LRBA: variants seen among roughly 807,000 people sequenced by gnomAD.
LRBA encodes LPS responsive beige-like anchor protein, also known as lipopolysaccharide-responsive and beige-like anchor protein.
In LRBA, 176 loss-of-function variants were observed where a neutral mutation model predicts 330.0. The ratio of observed to expected loss-of-function variants is 0.53; its 90% CI spans 0.47 to 0.60. The LOEUF (loss-of-function observed/expected upper bound fraction) is 0.60. LRBA is among the 20% of genes least tolerant of loss of function. The pLI is 0.00. For missense variants in LRBA, 3,259 were observed against 3,444.8 expected (o/e 0.95, Z 1.35); for synonymous variants, 1,230 against 1,193.0 (o/e 1.03, Z -0.64).
At chr4:150,898,645 C>CAA (rs779677822) in intron 14 of LRBA, among the ~76,000 whole-genome samples, 1 of 37,594 alleles carries the variant, frequency 2.7e-5, no homozygotes, top group Non-Finnish European at 1.4e-4. Flanking sequence ...GATTCCTAGA[C>CAA]AAAAAAAAAT....
intron 17 of LRBA, among the ~76,000 whole-genome samples, chr4:150,877,225 T>G (rs1579072177): frequency 7.0e-6 from 1 of 142,110 alleles, no homozygotes; most frequent in Non-Finnish European, 1.5e-5. Flanking sequence ...GCCACTGCAC[T>G]CCAGCCTGAA....
intron 37 of LRBA, among the ~76,000 whole-genome samples, chr4:150,642,851 G>A (rs1002035772): frequency 1.3e-5 from 2 of 151,694 alleles, no homozygotes; most frequent in African/African-American, 4.8e-5. Flanking sequence ...CACACATAAG[G>A]AGGCAAAAGA....
intron 2 of LRBA, among the ~76,000 whole-genome samples, chr4:150,934,083 C>A (rs188922058): frequency 1.3e-5 from 2 of 151,590 alleles, no homozygotes; most frequent in African/African-American, 4.8e-5. Flanking sequence ...CTTATGAAAT[C>A]ATCATAAATA....
intron 37 of LRBA, among the ~76,000 whole-genome samples, chr4:150,652,087 C>T (rs545706594): frequency 3.3e-5 from 5 of 152,276 alleles, no homozygotes; most frequent in African/African-American, 1.2e-4. Flanking sequence ...CCAGCTGACT[C>T]GGCCTCCCAA....
At chr4:150,396,058 A>C (rs115294484) in intron 47 of LRBA, among the ~76,000 whole-genome samples, 238 of 152,234 alleles carry the variant, frequency 1.6e-3, no homozygotes, top group African/African-American at 5.3e-3. Context: ...AATGTCTGTG[A>C]GGGTGTTTCC....
chr4:150,810,655 G>A (rs1743588347), intron 31 of LRBA, among the ~76,000 whole-genome samples: 1 of 152,162 alleles, frequency 6.6e-6, no homozygotes, highest in Non-Finnish European at 1.5e-5. Context: ...AGGCTGGAGT[G>A]CAGTGGTGTG....
intron 17 of LRBA, among the ~76,000 whole-genome samples, chr4:150,879,593 A>G (rs1167442028): frequency 1.3e-5 from 2 of 152,182 alleles, no homozygotes; most frequent in African/African-American, 4.8e-5. Flanking sequence ...CTTCATGACA[A>G]TATAATTCTA....
rs577554426 is a variant in LRBA at position 150,324,406 on chromosome 4, C to T, written c.7452+1403G>A. ...TTCTGCCCACTAAAGTCACTCTTCA[C>T]GTTCATCTAAATCTGATTTTACTGA... On this transcript the variant is annotated intron_variant, in intron 49 of 56. Coordinates refer to ENST00000651943, the MANE Select transcript of LRBA (RefSeq NM_001364905.1). Among the ~76,000 whole-genome samples, 6 of 152,270 alleles carry T rather than the reference C, an allele frequency of 3.9e-5. No homozygotes were observed. The East Asian group carries it at 5.8e-4, about 15-fold the overall frequency.
chr4:150,688,631 G>A (rs1033143112), intron 36 of LRBA, among the ~76,000 whole-genome samples: 14 of 152,144 alleles, frequency 9.2e-5, no homozygotes, highest in African/African-American at 3.4e-4. Context: ...CCATCAAAAA[G>A]TGGGTGAAGG....
intron 36 of LRBA, among the ~76,000 whole-genome samples, chr4:150,724,909 C>CA (rs1185897621): frequency 2.0e-5 from 3 of 148,490 alleles, no homozygotes; most frequent in Non-Finnish European, 4.5e-5. Context: ...TATATACACA[C>CA]ACACACACAC....
intron 40 of LRBA, among the ~76,000 whole-genome samples, chr4:150,530,266 G>A (rs1271895612): frequency 1.3e-5 from 2 of 151,304 alleles, no homozygotes; most frequent in Non-Finnish European, 3.0e-5. Context: ...GAAAAGTATA[G>A]AGAAAAAAAA....
intron 20 of LRBA, among the ~76,000 whole-genome samples, chr4:150,868,745 C>G (rs913986380): frequency 2.6e-5 from 4 of 152,020 alleles, no homozygotes; most frequent in Non-Finnish European, 5.9e-5. Context: ...CGAGAGCGGC[C>G]TGGCCAACAT....
intron 56 of LRBA, among the ~76,000 whole-genome samples, chr4:150,267,310 G>T (rs1745473212): frequency 6.6e-6 from 1 of 152,078 alleles, no homozygotes; most frequent in East Asian, 1.9e-4. Flanking sequence ...TAATGACTTA[G>T]TAAAGATTAA....
At chr4:150,892,158 T>A (rs1221298372) in intron 17 of LRBA, among the ~76,000 whole-genome samples, 1 of 152,230 alleles carries the variant, frequency 6.6e-6, no homozygotes, top group Admixed American at 6.5e-5. Context: ...CTGTAGCTGA[T>A]GATTAAGCAA....
intron 19 of LRBA, among the ~76,000 whole-genome samples, chr4:150,871,016 G>C (rs1056036940): frequency 3.9e-5 from 6 of 152,190 alleles, no homozygotes; most frequent in Non-Finnish European, 8.8e-5. Flanking sequence ...GGCTGAAGTG[G>C]GTAGATCGCC....
intron 46 of LRBA, among the ~76,000 whole-genome samples, chr4:150,416,688 A>C (rs1345575027): frequency 6.6e-6 from 1 of 152,056 alleles, no homozygotes; most frequent in Non-Finnish European, 1.5e-5. Flanking sequence ...ATTAGATTAT[A>C]ATCACACAAA....
chr4:150,886,607 C>G (rs1728962056), intron 17 of LRBA, among the ~76,000 whole-genome samples: 1 of 152,020 alleles, frequency 6.6e-6, no homozygotes, highest in Admixed American at 6.6e-5. Context: ...GAAAGAAAAC[C>G]CAAAGTAGGG....
chr4:150,448,497 A>C (rs1194496335), intron 44 of LRBA, among the ~76,000 whole-genome samples: 1 of 152,114 alleles, frequency 6.6e-6, no homozygotes, highest in Non-Finnish European at 1.5e-5. Flanking sequence ...AGAGGTAGTC[A>C]ACATAAAAGT....
At chr4:150,541,432 T>G (rs1402360276) in intron 40 of LRBA, among the ~76,000 whole-genome samples, 2 of 152,234 alleles carry the variant, frequency 1.3e-5, no homozygotes, top group East Asian at 3.8e-4. Context: ...CCTATCAGTT[T>G]TCTTAAAATA....
Sources: gnomAD v4.1 joint callset for allele counts (sites outside exome capture counted in the v4.1 genomes callset) on GRCh38, gnomAD v4.1.1 for gene constraint, MANE v1.5 for transcripts, NCBI Gene and HGNC (gene_info 2026-07-23, HGNC 2026-07-21) for gene names.